GMDS: variants seen among roughly 807,000 people sequenced by gnomAD.
GMDS encodes GDP-mannose 4,6 dehydratase.
Under a neutral mutation model 49.9 loss-of-function variants are expected in GMDS, and 20 were observed. That is an observed-to-expected ratio of 0.40 (90% CI 0.28 to 0.58). The LOEUF (loss-of-function observed/expected upper bound fraction) is 0.58, where lower values mean the gene tolerates loss of function less well. Ranked by LOEUF, GMDS falls within the 20% of genes least tolerant of loss-of-function variation. The probability of loss-of-function intolerance (pLI) is 0.42; values close to 1 mark genes in which losing one functional copy is unlikely to be tolerated. For synonymous variants in GMDS, 177 were observed against 178.6 expected (o/e 0.99, Z 0.07); for missense variants, 362 against 481.4 (o/e 0.75, Z 2.32).
At chr6:1,876,149 T>C (rs1561859650) in intron 7 of GMDS, among the ~76,000 whole-genome samples, 1 of 150,644 alleles carries the variant, frequency 6.6e-6, no homozygotes, top group Non-Finnish European at 1.5e-5. Flanking sequence ...TCCCAGCTAC[T>C]AGGGAGACTG....
chr6:1,972,309 C>A (rs1362151938), intron 4 of GMDS, among the ~76,000 whole-genome samples: 1 of 143,280 alleles, frequency 7.0e-6, no homozygotes, highest in Non-Finnish European at 1.5e-5. Context: ...TACTTTGTGA[C>A]CCCAATTATC....
chr6:2,182,946 G>A (rs1056509885), intron 1 of GMDS, among the ~76,000 whole-genome samples: 1 of 152,116 alleles, frequency 6.6e-6, no homozygotes, highest in Non-Finnish European at 1.5e-5. Context: ...GGGCTCAAAC[G>A]ATCTGCCTGC....
intron 7 of GMDS, among the ~76,000 whole-genome samples, chr6:1,843,109 C>CAAACA (rs1554125674): frequency 3.6e-5 from 5 of 137,082 alleles, no homozygotes; most frequent in African/African-American, 1.4e-4. Flanking sequence ...GACCCTGCAT[C>CAAACA]AAATAAAATA....
chr6:1,687,674 G>A (rs1272827487), intron 9 of GMDS, among the ~76,000 whole-genome samples: 2 of 152,144 alleles, frequency 1.3e-5, no homozygotes, highest in African/African-American at 4.8e-5. Context: ...CAAAGAGGCA[G>A]GTGAAGAACG....
At chr6:1,863,271 A>G (rs2113789050) in intron 7 of GMDS, among the ~76,000 whole-genome samples, 1 of 152,298 alleles carries the variant, frequency 6.6e-6, no homozygotes, top group African/African-American at 2.4e-5. Context: ...AAAACCCACC[A>G]TAGGAAAAAT....
At chr6:1,967,004 C>G (rs1378054836) in intron 4 of GMDS, among the ~76,000 whole-genome samples, 3 of 152,122 alleles carry the variant, frequency 2.0e-5, no homozygotes, top group East Asian at 1.9e-4. Flanking sequence ...ACCTACCACA[C>G]TTATCCCCCA....
intron 1 of GMDS, among the ~76,000 whole-genome samples, chr6:2,229,611 G>T (rs921093249): frequency 6.6e-6 from 1 of 151,968 alleles, no homozygotes; most frequent in African/African-American, 2.4e-5. Context: ...CACCCAGTGA[G>T]TACTGAGGTC....
intron 9 of GMDS, among the ~76,000 whole-genome samples, chr6:1,660,055 C>T (rs758495423): frequency 1.1e-4 from 16 of 151,930 alleles, no homozygotes; most frequent in South Asian, 2.1e-4. Context: ...GCTCCCCAGC[C>T]GCGGACCTGC....
At chr6:1,976,291 A>C (rs967112735) in intron 4 of GMDS, among the ~76,000 whole-genome samples, 2 of 152,252 alleles carry the variant, frequency 1.3e-5, no homozygotes, top group African/African-American at 4.8e-5. Flanking sequence ...CATTTGGAGG[A>C]GGCCAATCTC....
At chr6:1,999,342 T>C (rs1247059355) in intron 4 of GMDS, among the ~76,000 whole-genome samples, 3 of 138,568 alleles carry the variant, frequency 2.2e-5, no homozygotes, top group Non-Finnish European at 4.7e-5. Context: ...AAAAAAAAAC[T>C]GCAGATAATG....
Position 2,171,800 on chromosome 6 carries a change from A to G in GMDS, c.103-47069T>C, listed in dbSNP as rs141491284. ...AGACTTCCATGAAAAAGGTGCAAAG[A>G]GCCACAATGAAAGAAAGAAGTTAAG... On this transcript the variant is annotated intron_variant, in intron 1 of 10. Transcript: ENST00000380815. Among the ~76,000 whole-genome samples, 361 of 151,930 alleles carry G rather than the reference A, an allele frequency of 2.4e-3. 1 individual carries two copies. Among genetic ancestry groups the G allele is most frequent in the Non-Finnish European group, 3.2e-3 (216 of 68,016 alleles).
At chr6:2,100,949 G>A (rs149056640) in intron 4 of GMDS, among the ~76,000 whole-genome samples, 192 of 152,104 alleles carry the variant, frequency 1.3e-3, no homozygotes, top group African/African-American at 4.2e-3. Flanking sequence ...GCAAGAAAAT[G>A]AGTAAGATTA....
intron 9 of GMDS, among the ~76,000 whole-genome samples, chr6:1,653,277 C>A (rs1269596086): frequency 2.0e-5 from 3 of 152,140 alleles, no homozygotes; most frequent in African/African-American, 7.2e-5. Context: ...TATAATAGGC[C>A]TTCAAATGCA....
At chr6:1,860,306 C>T (rs1466643873) in intron 7 of GMDS, among the ~76,000 whole-genome samples, 2 of 152,170 alleles carry the variant, frequency 1.3e-5, no homozygotes, top group Admixed American at 1.3e-4. Flanking sequence ...GAATGGACTA[C>T]TGATATACAC....
intron 9 of GMDS, among the ~76,000 whole-genome samples, chr6:1,701,777 C>A (rs1471313117): frequency 6.6e-6 from 1 of 151,500 alleles, no homozygotes; most frequent in East Asian, 1.9e-4. Context: ...CTTTCCATAC[C>A]TCTATAAATG....
Position 1,944,669 on chromosome 6 carries a change from C to CA in GMDS, c.644-14440dup, listed in dbSNP as rs56229524. 7.0e-3 allele frequency among the ~76,000 whole-genome samples: 708 copies of CA among 100,546 alleles called. 2 individuals carry two copies. The highest frequency in any genetic ancestry group is 0.016 in the Middle Eastern group (3 of 184). 66.0% of individuals were successfully genotyped at this position (100,546 alleles called of 152,430 possible). ...TGGGTGACAGAGCGAGACTCCGTCT[C>CA]AAAAAAAAAAAAAAAAAAAAAAAAA... On this transcript the variant is annotated intron_variant, in intron 6 of 10. Coordinates refer to ENST00000380815, the MANE Select transcript of GMDS (RefSeq NM_001500.4).
At chr6:1,780,735 C>T (rs1363262338) in intron 7 of GMDS, among the ~76,000 whole-genome samples, 1 of 152,238 alleles carries the variant, frequency 6.6e-6, no homozygotes, top group African/African-American at 2.4e-5. Flanking sequence ...GCAGGGCTCG[C>T]TCACGCCATC....
intron 7 of GMDS, among the ~76,000 whole-genome samples, chr6:1,867,692 T>A (rs1376770068): frequency 6.6e-6 from 1 of 152,212 alleles, no homozygotes. Context: ...AAAATTTCCC[T>A]CTATTAATTA....
chr6:1,808,104 T>C (rs1770257275), intron 7 of GMDS, among the ~76,000 whole-genome samples: 1 of 152,212 alleles, frequency 6.6e-6, no homozygotes, highest in African/African-American at 2.4e-5. Context: ...CTGATTAAAC[T>C]GATAACTTCT....
Sources: gnomAD v4.1 joint callset for allele counts (sites outside exome capture counted in the v4.1 genomes callset) on GRCh38, gnomAD v4.1.1 for gene constraint, MANE v1.5 for transcripts, NCBI Gene and HGNC (gene_info 2026-07-23, HGNC 2026-07-21) for gene names.